ARFGEF1: variants seen among roughly 807,000 people sequenced by gnomAD.
ARFGEF1 encodes the protein brefeldin A-inhibited guanine nucleotide-exchange protein 1.
A neutral mutation model predicts 231.0 loss-of-function variants in ARFGEF1; 42 were observed. The observed-to-expected ratio is 0.18, with a 90% CI of 0.14 to 0.24. The LOEUF (loss-of-function observed/expected upper bound fraction) is 0.24. ARFGEF1 is among the 10% of genes least tolerant of loss of function. ARFGEF1 has a pLI of 1.00. For missense variants in ARFGEF1, 1,345 were observed against 2,192.0 expected, an observed-to-expected ratio of 0.61 and a Z score of 7.72; for synonymous variants, 710 against 732.3, an observed-to-expected ratio of 0.97 and a Z score of 0.49.
At chr8:67,232,830 A>T in intron 23 of ARFGEF1, 25 bp downstream of exon 23, 1 of 1,534,864 alleles carries the variant, frequency 6.5e-7, no homozygotes, top group Non-Finnish European at 8.9e-7. Flanking sequence ...AATCATCTGA[A>T]AAGGGAATAA....
intron 5 of ARFGEF1, among the ~76,000 whole-genome samples, chr8:67,177,210 T>A (rs542871490): frequency 4.6e-5 from 7 of 151,686 alleles, no homozygotes; most frequent in African/African-American, 1.7e-4. Context: ...AAGGGCAAAA[T>A]GTACTATTCA....
At chr8:67,224,847 A>T in intron 29 of ARFGEF1, 56 bp downstream of exon 29, 2 of 1,279,080 alleles carry the variant, frequency 1.6e-6, no homozygotes, top group Non-Finnish European at 2.1e-6. Context: ...AAGAAGAGTT[A>T]ATTTGATTAA....
At chr8:67,285,512 A>C (rs1047879270) in intron 7 of ARFGEF1, among the ~76,000 whole-genome samples, 1 of 152,100 alleles carries the variant, frequency 6.6e-6, no homozygotes, top group Admixed American at 6.5e-5. Context: ...GCAAGACCTT[A>C]TCTTGGGGGG....
intron 5 of ARFGEF1, among the ~76,000 whole-genome samples, chr8:67,295,543 T>C (rs1464952774): frequency 6.6e-6 from 1 of 151,996 alleles, no homozygotes; most frequent in African/African-American, 2.4e-5. Context: ...CTGAGGAAAA[T>C]TCAACAAAAT....
intron 1 of ARFGEF1, among the ~76,000 whole-genome samples, chr8:67,323,570 G>T (rs1807693243): frequency 6.6e-6 from 1 of 152,004 alleles, no homozygotes; most frequent in Admixed American, 6.5e-5. Context: ...GCCATTTTTG[G>T]TGAACAGATC....
At chr8:67,341,584 A>C (rs1471534611) in intron 1 of ARFGEF1, among the ~76,000 whole-genome samples, 2 of 152,160 alleles carry the variant, frequency 1.3e-5, no homozygotes, top group African/African-American at 4.8e-5. Flanking sequence ...GTGACAGAGC[A>C]AGCCCCTGTC....
intron 1 of ARFGEF1, among the ~76,000 whole-genome samples, chr8:67,322,138 A>G (rs1221994649): frequency 6.6e-6 from 1 of 152,188 alleles, no homozygotes; most frequent in Middle Eastern, 3.2e-3. Flanking sequence ...AGGTTGCCTC[A>G]GTCATATGTT....
rs116767311 is a variant in ARFGEF1 at position 67,333,542 on chromosome 8, G to A, written c.124+9622C>T. Among the ~76,000 whole-genome samples the A allele has an allele frequency of 8.0e-3, 1,210 of 151,950 alleles. 12 individuals carry two copies. The highest frequency in any genetic ancestry group is 0.028 in the African/African-American group (1,155 of 41,404). On this transcript the variant is annotated intron_variant, in intron 1 of 38. Coordinates refer to ENST00000262215, the MANE Select transcript of ARFGEF1 (RefSeq NM_006421.5). ...TTACCCAGGTTGGTATTGAACTCCT[G>A]GGATCAAGGGATCTCCCTGTCTTGG...
chr8:67,257,668 G>C (rs896995804), intron 17 of ARFGEF1, 64 bp downstream of exon 17: 36 of 1,254,330 alleles, frequency 2.9e-5, no homozygotes, highest in Non-Finnish European at 4.0e-5. Context: ...ATTACTTACT[G>C]AATTCAGAAT....
At chr8:67,331,295 CACATGTTGAA>C (rs1166990561) in intron 1 of ARFGEF1, among the ~76,000 whole-genome samples, 4 of 152,224 alleles carry the variant, frequency 2.6e-5, no homozygotes, top group African/African-American at 9.6e-5. Flanking sequence ...CCAAAAAAAT[CACATGTTGAA>C]ACCTGATTCC....
Position 67,218,140 on chromosome 8 carries a change from TG to T in ARFGEF1, c.4339-3del, listed in dbSNP as rs1838999911. The T allele has an allele frequency of 1.4e-6, 2 of 1,428,022 alleles. No homozygotes were observed. The highest frequency in any genetic ancestry group is 3.7e-5 in the South Asian group (2 of 54,614). 88.5% of individuals were successfully genotyped at this position (1,428,022 alleles called of 1,614,324 possible). A position where few individuals can be genotyped will look rare whatever the true frequency, so the allele number is the denominator to read the frequency against. On this transcript the variant is annotated splice_region_variant and splice_polypyrimidine_tract_variant and intron_variant, in intron 30 of 38. Coordinates refer to ENST00000262215, the MANE Select transcript of ARFGEF1 (RefSeq NM_006421.5). ...AGTTGTTGTCATCCATTCAGCTTTC[TG>T]GGGAAAAAAGTCATTAATGAACATC...
intron 5 of ARFGEF1, chr8:67,180,062 C>T (rs1832652917): frequency 1.9e-6 from 1 of 534,744 alleles, no homozygotes; most frequent in Non-Finnish European, 3.2e-6. Context: ...CTGTTTTAAT[C>T]AGATATGCCT....
At chr8:67,343,087 G>GGGGCC in intron 1 of ARFGEF1, 77 bp downstream of exon 1, 1 of 971,350 alleles carries the variant, frequency 1.0e-6, no homozygotes, top group Non-Finnish European at 1.5e-6. Flanking sequence ...AGCCCCGGGC[G>GGGGCC]ACCCCACCCC....
At chr8:67,193,483 T>G, downstream of ARFGEF1, 1 of 1,613,430 alleles carries the variant, frequency 6.2e-7, no homozygotes, top group South Asian at 1.1e-5. Flanking sequence ...CGTCCTAATG[T>G]AGCACCAGAT....
downstream of ARFGEF1, among the ~76,000 whole-genome samples, chr8:67,194,773 C>G (rs1294069362): frequency 6.6e-6 from 1 of 150,528 alleles, no homozygotes; most frequent in East Asian, 2.0e-4. Flanking sequence ...AAGTAAAATA[C>G]AGATAGAAGT....
At chr8:67,192,310 G>T (rs183865332) in intron 5 of ARFGEF1, among the ~76,000 whole-genome samples, 1 of 151,918 alleles carries the variant, frequency 6.6e-6, no homozygotes, top group African/African-American at 2.4e-5. Context: ...CCTAACCTCG[G>T]GTGATCCACC....
chr8:67,338,335 G>C (rs1808444080), intron 1 of ARFGEF1, among the ~76,000 whole-genome samples: 1 of 152,054 alleles, frequency 6.6e-6, no homozygotes, highest in Non-Finnish European at 1.5e-5. Context: ...TATTGTACTT[G>C]TCTTTCTTTC....
chr8:67,218,204 AAAAATATAT>A lies in ARFGEF1; in HGVS notation c.4339-75_4339-67del, dbSNP rs1448121033. ...AACTACTATGATTAAAAAAAAAAAA[AAAAATATAT>A]ATATATATATATATATATATAAATG... On this transcript the variant is annotated intron_variant, in intron 30 of 38. Transcript: ENST00000262215. 13 of 192,280 alleles carry A rather than the reference AAAAATATAT, an allele frequency of 6.8e-5. 1 individual carries two copies. Among genetic ancestry groups the A allele is most frequent in the African/African-American group, 4.1e-4 (10 of 24,136 alleles). 11.9% of individuals were successfully genotyped at this position (192,280 alleles called of 1,614,324 possible).
At chr8:67,208,311 C>T (rs369269778) in intron 34 of ARFGEF1, among the ~76,000 whole-genome samples, 18 of 152,200 alleles carry the variant, frequency 1.2e-4, no homozygotes, top group Admixed American at 2.6e-4. Context: ...AATGGATCAA[C>T]GACCTAAATC....
Sources: gnomAD v4.1 joint callset for allele counts (sites outside exome capture counted in the v4.1 genomes callset) on GRCh38, gnomAD v4.1.1 for gene constraint, MANE v1.5 for transcripts, NCBI Gene and HGNC (gene_info 2026-07-23, HGNC 2026-07-21) for gene names.